SLC43A2: variants seen among roughly 807,000 people sequenced by gnomAD.
SLC43A2 encodes the protein large neutral amino acids transporter small subunit 4.
A neutral mutation model predicts 63.2 loss-of-function variants in SLC43A2; 38 were observed. The observed-to-expected ratio is 0.60, with a 90% confidence interval of 0.46 to 0.79. The LOEUF is 0.79. SLC43A2 is among the 30% of genes least tolerant of loss of function. The pLI is 0.00. For synonymous variants in SLC43A2, 322 were observed against 331.0 expected, an observed-to-expected ratio of 0.97 and a Z score of 0.30; for missense variants, 644 against 756.2, an observed-to-expected ratio of 0.85 and a Z score of 1.74.
rs183041530 is a variant in SLC43A2 at position 1,594,790 on chromosome 17, A to T, written c.502-1511T>A. 8.6e-5 allele frequency among the ~76,000 whole-genome samples: 13 copies of T among 151,056 alleles called. No individual in the cohort carries two copies. In the South Asian group the frequency reaches 1.0e-3, roughly 12 times the overall value. ...TTTTCAGTAGAGACGGGGTTTCACC[A>T]CGTTAGCCAGGATGGTCTGGATCTC... On this transcript the variant is annotated intron_variant, in intron 5 of 13. Transcript: ENST00000301335.
chr17:1,627,486 T>C (rs1039946040), intron 2 of SLC43A2, among the ~76,000 whole-genome samples: 3 of 152,178 alleles, frequency 2.0e-5, no homozygotes, highest in Admixed American at 2.0e-4. Flanking sequence ...AGGCCCAGGC[T>C]CTGCGGCCTT....
chr17:1,621,149 C>G (rs1393977875), intron 2 of SLC43A2, among the ~76,000 whole-genome samples: 1 of 152,188 alleles, frequency 6.6e-6, no homozygotes, highest in Non-Finnish European at 1.5e-5. Context: ...TTCAGCCCCA[C>G]TCACAGAAGA....
rs1022607606 is a variant in SLC43A2 at position 1,606,652 on chromosome 17, G to A, written c.501+6543C>T. Among the ~76,000 whole-genome samples the A allele has an allele frequency of 1.3e-5, 2 of 152,218 alleles. No homozygotes were observed. Among genetic ancestry groups the A allele is most frequent in the African/African-American group, 2.4e-5 (1 of 41,450 alleles). On this transcript the variant is annotated intron_variant, in intron 5 of 13. Transcript: ENST00000301335. This position sits in a 1 kb window ranked among gnomAD's most constrained non-coding sequence, Gnocchi z 4.7. ...CGCCGGCCGTGTTTGTGCTCCAGCC[G>A]ATGAAGCGAGTGCAAAGGGCTGTAC...
At chr17:1,600,144 A>ATT (rs1567630740) in intron 5 of SLC43A2, among the ~76,000 whole-genome samples, 1 of 75,208 alleles carries the variant, frequency 1.3e-5, no homozygotes, top group African/African-American at 5.3e-5. Flanking sequence ...GAATATATAT[A>ATT]TATATATATT....
At position 1,590,943 on chromosome 17, in the gene SLC43A2, G is replaced by A; in HGVS notation, c.937C>T (p.Pro313Ser). 6.5e-7 allele frequency: 1 copy of A among 1,550,210 alleles called. No individual in the cohort carries two copies. Among genetic ancestry groups the A allele is most frequent in the Non-Finnish European group, 8.7e-7 (1 of 1,147,054 alleles). The change falls in exon 9 of 14, where the codon CCC becomes TCC. Residue 313 changes from proline (P) to serine (S), a missense_variant. Physicochemically the swap from Pro to Ser is moderately conservative, Grantham distance 74. Around this residue, in one of 3 missense-constraint regions of SLC43A2, gnomAD observed 528 missense variants for 623.6 expected, o/e 0.85. Coordinates refer to ENST00000301335, the MANE Select transcript of SLC43A2 (RefSeq NM_152346.3). ...CTGAACACGCTGTGCATGAAGGAGGGGGCCACTGCAGGGAGAGGGTGCGGG... is the reference window on the plus strand; with the variant it reads ...CTGAACACGCTGTGCATGAAGGAGGAGGCCACTGCAGGGAGAGGGTGCGGG... ...VKCQPDAAVA[P>S]SFMHSVFSPI...
chr17:1,616,206 T>C (rs998590264), intron 3 of SLC43A2, among the ~76,000 whole-genome samples: 8 of 152,166 alleles, frequency 5.3e-5, no homozygotes, highest in Non-Finnish European at 1.2e-4. Flanking sequence ...AGATGGATAC[T>C]GTGCCAGCTT....
At chr17:1,623,971 TCTC>T (rs1908418268) in intron 2 of SLC43A2, among the ~76,000 whole-genome samples, 1 of 152,146 alleles carries the variant, frequency 6.6e-6, no homozygotes, top group Non-Finnish European at 1.5e-5. Context: ...AGGAGCCACA[TCTC>T]CGCTGCTGTT....
chr17:1,587,127 G>A (rs1044412016), intron 9 of SLC43A2, among the ~76,000 whole-genome samples: 1 of 56,266 alleles, frequency 1.8e-5, no homozygotes, highest in East Asian at 5.9e-4. Flanking sequence ...AGCGTGACTC[G>A]GGGCGCTCAG....
At chr17:1,581,306 G>A (rs2076010281) in intron 11 of SLC43A2, among the ~76,000 whole-genome samples, 1 of 152,032 alleles carries the variant, frequency 6.6e-6, no homozygotes, top group Non-Finnish European at 1.5e-5. Flanking sequence ...AAAACAAAAA[G>A]ATGACTGTCC....
At chr17:1,617,889 G>A (rs559316204) in intron 2 of SLC43A2, among the ~76,000 whole-genome samples, 1 of 152,356 alleles carries the variant, frequency 6.6e-6, no homozygotes, top group East Asian at 1.9e-4. Flanking sequence ...GAGGGTGGAG[G>A]ACGGGCTGGG....
intron 11 of SLC43A2, among the ~76,000 whole-genome samples, chr17:1,581,411 A>G (rs372815550): frequency 1.3e-5 from 2 of 152,330 alleles, no homozygotes; most frequent in African/African-American, 4.8e-5. Flanking sequence ...GGAGGGCCGG[A>G]GGGATGCAGC....
chr17:1,584,341 C>A (rs924255448), intron 10 of SLC43A2, among the ~76,000 whole-genome samples: 2 of 152,154 alleles, frequency 1.3e-5, no homozygotes, highest in Non-Finnish European at 2.9e-5. Flanking sequence ...AACTGTGCGG[C>A]CCTAGGCAAA....
At position 1,583,971 on chromosome 17, in the gene SLC43A2, T is replaced by C. The variant is rs568656008; in HGVS notation, c.1218-635A>G. Among the ~76,000 whole-genome samples, 12 of 151,814 alleles carry C rather than the reference T, an allele frequency of 7.9e-5. No homozygotes were observed. The highest frequency in any genetic ancestry group is 4.2e-4 in the South Asian group (2 of 4,804). On this transcript the variant is annotated intron_variant, in intron 10 of 13. Transcript: ENST00000301335. This position sits in a 1 kb window ranked among gnomAD's most constrained non-coding sequence, Gnocchi z 5.5. The stretch of plus-strand genomic sequence containing the variant: ...AGTGCAGTGGTGTGATCTCGGCTCA[T>C]TGCCACCTCTGCCTCCTGGGTTCAA...
chr17:1,605,391 A>G lies in SLC43A2; in HGVS notation c.501+7804T>C. ...GCCTGCAGGGCCAAGGCCCTGGGAC[A>G]GTGCGGGCGCGGGAGCTTCTCTAAG... is the stretch of plus-strand genomic sequence containing the variant. On this transcript the variant is annotated intron_variant, in intron 5 of 13. Coordinates refer to ENST00000301335, the MANE Select transcript of SLC43A2 (RefSeq NM_152346.3). This position sits in a 1 kb window ranked among gnomAD's most constrained non-coding sequence, Gnocchi z 4.9. 4.2e-6 allele frequency: 1 copy of G among 239,524 alleles called. No individual in the cohort carries two copies. Among genetic ancestry groups the G allele is most frequent in the Non-Finnish European group, 6.8e-6 (1 of 146,648 alleles). 14.8% of individuals were successfully genotyped at this position (239,524 alleles called of 1,614,324 possible).
At chr17:1,608,975 C>T (rs1316610181) in intron 5 of SLC43A2, among the ~76,000 whole-genome samples, 1 of 152,016 alleles carries the variant, frequency 6.6e-6, no homozygotes, top group African/African-American at 2.4e-5. Context: ...ATCAAGAGCA[C>T]TGTAGAAAAA....
At chr17:1,586,116 C>T (rs1027545533) in intron 9 of SLC43A2, 65 bp from the exon 10 acceptor site, 1 of 1,507,970 alleles carries the variant, frequency 6.6e-7, no homozygotes, top group Non-Finnish European at 8.9e-7. Flanking sequence ...GGACTGGGCA[C>T]CAGCTGGGAA....
Position 1,576,669 on chromosome 17 carries a change from G to T in SLC43A2, c.1476C>A (p.Ser492Arg). The T allele has an allele frequency of 1.2e-6, 2 of 1,611,082 alleles. No homozygotes were observed. The highest frequency in any genetic ancestry group is 1.7e-6 in the Non-Finnish European group (2 of 1,179,984). Residue 492 changes from serine (S) to arginine (R), a missense_variant, in exon 13 of 14, where the codon AGC becomes AGA. Transcript: ENST00000301335. Reference sequence around the variant, plus strand: ...GCTGCTGCAGAAGGGCGAAGAGCGCGCTGATCAGAGACTGCAGTCCCGTGA... The same window carrying T: ...GCTGCTGCAGAAGGGCGAAGAGCGCTCTGATCAGAGACTGCAGTCCCGTGA... ...GSLTGLQSLI[S>R]ALFALLQQPL...
At chr17:1,589,254 C>A (rs140968557) in intron 9 of SLC43A2, among the ~76,000 whole-genome samples, 3 of 152,150 alleles carry the variant, frequency 2.0e-5, no homozygotes, top group Non-Finnish European at 4.4e-5. Flanking sequence ...ATGAGCCTTT[C>A]GAGGGCCAGG....
chr17:1,570,263 C>T lies in SLC43A2; in HGVS notation c.*5341G>A, dbSNP rs997587742. On this transcript the variant is annotated 3_prime_UTR_variant, in exon 14 of 14. Coordinates refer to ENST00000301335, the MANE Select transcript of SLC43A2 (RefSeq NM_152346.3). Reference sequence around the variant, plus strand: ...CAGGCTGGTCTCAAACCCCTGACCTCAAGTGATCCACCCCGCCCCCGCTTC... The same window carrying T: ...CAGGCTGGTCTCAAACCCCTGACCTTAAGTGATCCACCCCGCCCCCGCTTC... The T allele has an allele frequency of 1.1e-4, 17 of 152,036 alleles. No individual in the cohort carries two copies. The highest frequency in any genetic ancestry group is 3.9e-4 in the African/African-American group (16 of 41,358). The allele number at this position is 152,036 out of a possible 1,614,324, so 9.4% of individuals were successfully genotyped here. A position where few individuals can be genotyped will look rare whatever the true frequency, so the allele number is the denominator to read the frequency against.
Sources: gnomAD v4.1 joint callset for allele counts (sites outside exome capture counted in the v4.1 genomes callset) on GRCh38, gnomAD v4.1.1 for gene constraint, gnomAD v4.1.1 regional missense constraint, Gnocchi (gnomAD v3.1) non-coding constraint, MANE v1.5 for transcripts, NCBI Gene and HGNC (gene_info 2026-07-23, HGNC 2026-07-21) for gene names.